RBFOX1: variants seen among roughly 807,000 people sequenced by gnomAD.
The protein encoded by RBFOX1 is RNA binding fox-1 homolog 1.
Under a neutral mutation model 57.7 loss-of-function variants are expected in RBFOX1, and 8 were observed. The ratio of observed to expected loss-of-function variants is 0.14; its 90% CI spans 0.08 to 0.25. The LOEUF (loss-of-function observed/expected upper bound fraction) is 0.25, where lower values mean the gene tolerates loss of function less well. Among genes scored for constraint, RBFOX1 ranks in the 10% least tolerant of loss-of-function variants. The pLI is 1.00. For synonymous variants in RBFOX1, 326 were observed against 222.4 expected, an observed-to-expected ratio of 1.47 and a Z score of -4.15; for missense variants, 611 against 548.5, an observed-to-expected ratio of 1.11 and a Z score of -1.14.
intron 4 of RBFOX1, among the ~76,000 whole-genome samples, chr16:7,415,388 T>C (rs1222372232): frequency 6.6e-6 from 1 of 152,168 alleles, no homozygotes; most frequent in African/African-American, 2.4e-5. Flanking sequence ...TCTGAGCCAG[T>C]GCACTTGAAG....
chr16:7,183,371 C>G (rs575996531), intron 4 of RBFOX1, among the ~76,000 whole-genome samples: 4 of 152,152 alleles, frequency 2.6e-5, no homozygotes, highest in African/African-American at 7.2e-5. Context: ...TAATTTTTTT[C>G]TACCTGAAAA....
chr16:7,143,465 T>C (rs1172992357), intron 4 of RBFOX1, among the ~76,000 whole-genome samples: 1 of 152,112 alleles, frequency 6.6e-6, no homozygotes, highest in Non-Finnish European at 1.5e-5. Flanking sequence ...AGAATCTGTC[T>C]GGAGTCAAGC....
chr16:6,105,215 G>A lies in RBFOX1; in HGVS notation c.-127+85223G>A, dbSNP rs542023365. ...CCTCCATTTTTAAGTTACTGTTTTG[G>A]AGAATATGTACAGTGTCTACTGGCA... is the stretch of plus-strand genomic sequence containing the variant. On this transcript the variant is annotated intron_variant, in intron 1 of 15. Coordinates refer to ENST00000550418, the MANE Select transcript of RBFOX1 (RefSeq NM_018723.4). 1.2e-4 allele frequency among the ~76,000 whole-genome samples: 19 copies of A among 152,242 alleles called. No individual in the cohort carries two copies. In the South Asian group the frequency reaches 3.9e-3, roughly 32 times the overall value.
chr16:5,239,994 G>C, exon 1 of RBFOX1: 1 of 1,530,922 alleles, frequency 6.5e-7, no homozygotes, highest in Non-Finnish European at 8.7e-7. Flanking sequence ...AGAGGCTGCG[G>C]CTGGGGCTGG....
At chr16:6,639,702 C>T (rs1371173259) in intron 2 of RBFOX1, among the ~76,000 whole-genome samples, 2 of 152,106 alleles carry the variant, frequency 1.3e-5, no homozygotes, top group East Asian at 1.9e-4. Flanking sequence ...TGATGAAACC[C>T]TGTCTCTACT....
chr16:5,984,977 T>TATATATATATA lies in RBFOX1; in HGVS notation c.351+117642_351+117643insATATATATATA, dbSNP rs1555462740. Among the ~76,000 whole-genome samples, 38 of 40,550 alleles carry TATATATATATA rather than the reference T, an allele frequency of 9.4e-4. 1 individual carries two copies. The highest frequency in any genetic ancestry group is 3.4e-3 in the African/African-American group (29 of 8,578). 26.6% of individuals were successfully genotyped at this position (40,550 alleles called of 152,430 possible). ...ATATATATATATATATATATATATA[T>TATATATATATA]TTTTTTTTTTTTTTTTTTTCTTTGA... On this transcript the variant is annotated intron_variant, in intron 4 of 19. Transcript: ENST00000641259.
chr16:7,621,819 C>T (rs2059360762), intron 10 of RBFOX1, among the ~76,000 whole-genome samples: 2 of 152,160 alleles, frequency 1.3e-5, no homozygotes, highest in African/African-American at 4.8e-5. Flanking sequence ...CAAACTTTGT[C>T]TGTAAAGGGC....
intron 4 of RBFOX1, among the ~76,000 whole-genome samples, chr16:7,355,282 C>G (rs1166584944): frequency 6.6e-6 from 1 of 152,192 alleles, no homozygotes; most frequent in Non-Finnish European, 1.5e-5. Flanking sequence ...CTCAGAGTCC[C>G]TCTGTCAAGG....
chr16:5,243,455 C>G (rs1322597479), intron 1 of RBFOX1, among the ~76,000 whole-genome samples: 1 of 152,146 alleles, frequency 6.6e-6, no homozygotes, highest in Non-Finnish European at 1.5e-5. Flanking sequence ...CTGGGTTTCT[C>G]AGCTTTGGCA....
chr16:6,243,028 T>C (rs765929190), intron 1 of RBFOX1, among the ~76,000 whole-genome samples: 7 of 152,196 alleles, frequency 4.6e-5, no homozygotes, highest in Non-Finnish European at 1.0e-4. Flanking sequence ...TTCTGAATTG[T>C]AAGAGATACT....
At chr16:7,445,688 G>C (rs376447505) in intron 4 of RBFOX1, among the ~76,000 whole-genome samples, 6 of 152,170 alleles carry the variant, frequency 3.9e-5, no homozygotes, top group African/African-American at 1.4e-4. Context: ...CACAGTTTTT[G>C]TTGCTGTTAC....
chr16:6,680,849 A>G (rs2058545490), intron 3 of RBFOX1, among the ~76,000 whole-genome samples: 1 of 152,220 alleles, frequency 6.6e-6, no homozygotes, highest in Non-Finnish European at 1.5e-5. Flanking sequence ...AACATGAATG[A>G]AGTACCTTTC....
Position 7,231,259 on chromosome 16 carries a change from G to T in RBFOX1, c.27+179161G>T, listed in dbSNP as rs1382441599. Among the ~76,000 whole-genome samples the T allele has an allele frequency of 3.9e-5, 6 of 152,274 alleles. No homozygotes were observed. In the East Asian group the frequency reaches 9.7e-4, roughly 25 times the overall value. The stretch of plus-strand genomic sequence containing the variant: ...TTCTGGTAGCTGGGCAAAGAAATAA[G>T]GGAGGGCTTGGCTGGTTTGTCTTGT... On this transcript the variant is annotated intron_variant, in intron 4 of 15. Transcript: ENST00000550418.
At chr16:7,445,640 G>C (rs138766208) in intron 4 of RBFOX1, among the ~76,000 whole-genome samples, 402 of 151,988 alleles carry the variant, frequency 2.6e-3, no homozygotes, top group African/African-American at 8.6e-3. Flanking sequence ...TTTTCTTCTG[G>C]TCTCTTAGAA....
chr16:7,177,292 C>G (rs2081869611), intron 4 of RBFOX1, among the ~76,000 whole-genome samples: 1 of 152,096 alleles, frequency 6.6e-6, no homozygotes, highest in Admixed American at 6.5e-5. Context: ...GTCAGTTCTA[C>G]AAGCAAACAA....
At chr16:7,694,300 C>G (rs1329988554) in intron 14 of RBFOX1, among the ~76,000 whole-genome samples, 1 of 152,188 alleles carries the variant, frequency 6.6e-6, no homozygotes, top group Non-Finnish European at 1.5e-5. Flanking sequence ...AATAAACACT[C>G]ATCTGTTACC....
At chr16:7,456,019 A>C (rs1293199308) in intron 4 of RBFOX1, among the ~76,000 whole-genome samples, 1 of 152,138 alleles carries the variant, frequency 6.6e-6, no homozygotes, top group Non-Finnish European at 1.5e-5. Context: ...CATTCCCTGC[A>C]TGGTCATGCA....
chr16:6,991,568 A>G (rs1596319965), intron 3 of RBFOX1, among the ~76,000 whole-genome samples: 1 of 151,976 alleles, frequency 6.6e-6, no homozygotes, highest in East Asian at 1.9e-4. Context: ...ATGGGGTCCC[A>G]CTCTGTCACC....
At chr16:6,306,437 G>T (rs951236012) in intron 1 of RBFOX1, among the ~76,000 whole-genome samples, 29 of 152,302 alleles carry the variant, frequency 1.9e-4, no homozygotes, top group African/African-American at 6.7e-4. Flanking sequence ...TTAGATTTCT[G>T]CAGAGATTAG....
Sources: allele counts gnomAD v4.1 joint callset (sites outside exome capture counted in the v4.1 genomes callset), GRCh38; gene constraint gnomAD v4.1.1; transcripts MANE v1.5; gene names NCBI Gene and HGNC (gene_info 2026-07-23, HGNC 2026-07-21).